REDIC1: variants seen among roughly 807,000 people sequenced by gnomAD.
The protein encoded by REDIC1 is regulator of DNA class I crossover intermediates 1, also known as HEI10 Interacting Protein 1.
At chr12:39,762,798 T>G in the REDIC1 span, among the ~76,000 whole-genome samples, 1 of 152,082 alleles carries the variant, frequency 6.6e-6, no homozygotes, top group East Asian at 1.9e-4. Context: ...TAGAGAGTAG[T>G]AGACCAAATG....
the REDIC1 span, chr12:39,646,561 C>A: frequency 1.7e-6 from 2 of 1,200,410 alleles, no homozygotes; most frequent in Non-Finnish European, 1.1e-6. Context: ...CTTCTACCCC[C>A]AGTTTTTGTT....
the REDIC1 span, among the ~76,000 whole-genome samples, chr12:39,868,671 G>A: frequency 1.3e-5 from 2 of 152,072 alleles, no homozygotes; most frequent in Non-Finnish European, 2.9e-5. Flanking sequence ...AATCTTTCTG[G>A]CTTTCTGATT....
At chr12:39,794,889 A>G in the REDIC1 span, among the ~76,000 whole-genome samples, 1 of 152,182 alleles carries the variant, frequency 6.6e-6, no homozygotes, top group Non-Finnish European at 1.5e-5. Context: ...TGAAGAAATG[A>G]GCTGTCAGTC....
the REDIC1 span, among the ~76,000 whole-genome samples, chr12:39,906,213 C>T: frequency 2.6e-5 from 4 of 152,104 alleles, no homozygotes; most frequent in African/African-American, 4.8e-5. Flanking sequence ...TTCTTGAAGT[C>T]AGTAATTCCA....
the REDIC1 span, among the ~76,000 whole-genome samples, chr12:39,727,110 T>C: frequency 6.6e-6 from 1 of 152,088 alleles, no homozygotes; most frequent in Non-Finnish European, 1.5e-5. Flanking sequence ...TCCCATTCTG[T>C]AGGTTGCCTG....
chr12:39,745,122 C>T, the REDIC1 span, among the ~76,000 whole-genome samples: 2 of 152,278 alleles, frequency 1.3e-5, no homozygotes, highest in South Asian at 4.1e-4. Flanking sequence ...GTCCCAAAAA[C>T]ATTTCAAAAC....
At chr12:39,798,324 G>A in the REDIC1 span, among the ~76,000 whole-genome samples, 103 of 152,290 alleles carry the variant, frequency 6.8e-4, 1 homozygote, top group African/African-American at 2.3e-3. Flanking sequence ...CAGAGAAACT[G>A]AGTGAGACAT....
chr12:39,635,649 G>A, the REDIC1 span, among the ~76,000 whole-genome samples: 1 of 151,776 alleles, frequency 6.6e-6, no homozygotes, highest in Middle Eastern at 3.4e-3. Context: ...GTTGGTGGGC[G>A]GGGGGCTGGG....
chr12:39,883,915 C>A, the REDIC1 span, among the ~76,000 whole-genome samples: 1 of 152,252 alleles, frequency 6.6e-6, no homozygotes, highest in South Asian at 2.1e-4. Context: ...AAAATAATCA[C>A]AGAAAAATAA....
the REDIC1 span, chr12:39,830,519 A>C: frequency 1.9e-6 from 2 of 1,080,662 alleles, no homozygotes; most frequent in Non-Finnish European, 2.3e-6. Flanking sequence ...GGAGCAAATA[A>C]ACTTTTGCTT....
At chr12:39,729,980 G>A in the REDIC1 span, among the ~76,000 whole-genome samples, 8 of 151,946 alleles carry the variant, frequency 5.3e-5, no homozygotes, top group Non-Finnish European at 1.0e-4. Context: ...TAGGATTGCA[G>A]CCCCTGCTTT....
At chr12:39,855,585 GTTGT>G in the REDIC1 span, among the ~76,000 whole-genome samples, 40 of 152,106 alleles carry the variant, frequency 2.6e-4, 1 homozygote, top group African/African-American at 1.9e-4. Flanking sequence ...TTTTTTTGTT[GTTGT>G]TTGTTTGTTT....
At chr12:39,707,945 A>T in the REDIC1 span, among the ~76,000 whole-genome samples, 2 of 151,986 alleles carry the variant, frequency 1.3e-5, no homozygotes, top group East Asian at 3.9e-4. Flanking sequence ...TATTTATGGA[A>T]TCTAAAATCA....
At chr12:39,808,944 T>G in the REDIC1 span, among the ~76,000 whole-genome samples, 3 of 152,150 alleles carry the variant, frequency 2.0e-5, no homozygotes, top group African/African-American at 7.2e-5. Flanking sequence ...CAATTTTTTC[T>G]TTTGTTGTGT....
At chr12:39,889,456 T>C in the REDIC1 span, among the ~76,000 whole-genome samples, 1 of 151,982 alleles carries the variant, frequency 6.6e-6, no homozygotes, top group Non-Finnish European at 1.5e-5. Flanking sequence ...ATATGAATAT[T>C]TGCAAGGTAG....
the REDIC1 span, among the ~76,000 whole-genome samples, chr12:39,707,000 C>T: frequency 6.6e-6 from 1 of 151,632 alleles, no homozygotes; most frequent in African/African-American, 2.4e-5. Flanking sequence ...AATGGACAAA[C>T]AGGATCACAT....
chr12:39,703,517 A>G, the REDIC1 span, among the ~76,000 whole-genome samples: 1 of 151,612 alleles, frequency 6.6e-6, no homozygotes, highest in Non-Finnish European at 1.5e-5. Context: ...GCCCAAGGTA[A>G]TTTACAGATT....
chr12:39,646,937 G>A, the REDIC1 span: 2 of 1,212,288 alleles, frequency 1.6e-6, no homozygotes, highest in South Asian at 1.4e-5. Context: ...ATTGTGATAT[G>A]CTACCTAATG....
At chr12:39,709,535 C>T in the REDIC1 span, among the ~76,000 whole-genome samples, 1 of 151,368 alleles carries the variant, frequency 6.6e-6, no homozygotes, top group Non-Finnish European at 1.5e-5. Flanking sequence ...TGGCCATTAC[C>T]ATTTTACCTT....
Sources: gnomAD v4.1 joint callset for allele counts (sites outside exome capture counted in the v4.1 genomes callset) on GRCh38, gnomAD v4.1.1 for gene constraint, MANE v1.5 for transcripts, NCBI Gene and HGNC (gene_info 2026-07-23, HGNC 2026-07-21) for gene names.